Variants in RPS6KA2 observed in about 807,000 individuals in gnomAD.
The protein encoded by RPS6KA2 is ribosomal protein S6 kinase alpha-2.
Under a neutral mutation model 91.8 loss-of-function variants are expected in RPS6KA2, and 42 were observed. The observed-to-expected ratio is 0.46, with a 90% confidence interval of 0.36 to 0.59. The LOEUF (loss-of-function observed/expected upper bound fraction) is 0.59. Among genes scored for constraint, RPS6KA2 ranks in the 20% least tolerant of loss-of-function variants. RPS6KA2 has a pLI of 0.00. For missense variants in RPS6KA2, 798 were observed against 978.5 expected, an observed-to-expected ratio of 0.82 and a Z score of 2.46; for synonymous variants, 414 against 393.6, an observed-to-expected ratio of 1.05 and a Z score of -0.61.
intron 1 of RPS6KA2, among the ~76,000 whole-genome samples, chr6:166,581,921 T>G (rs1408471014): frequency 1.2e-5 from 1 of 85,190 alleles, no homozygotes; most frequent in Admixed American, 1.4e-4. Context: ...ACTGGGCAGG[T>G]GGGCTGGGCA....
intron 2 of RPS6KA2, among the ~76,000 whole-genome samples, chr6:166,717,162 A>G (rs1790036753): frequency 6.6e-6 from 1 of 152,202 alleles, no homozygotes; most frequent in Non-Finnish European, 1.5e-5. Context: ...ACTAGCAGGT[A>G]AGGAAGAGGA....
intron 5 of RPS6KA2, among the ~76,000 whole-genome samples, chr6:166,507,274 G>A (rs1053664143): frequency 6.6e-6 from 1 of 152,066 alleles, no homozygotes; most frequent in Admixed American, 6.5e-5. Flanking sequence ...TGGTCCCAGA[G>A]CTGCAGGGGC....
At chr6:166,631,466 G>T (rs924426506), upstream of RPS6KA2, among the ~76,000 whole-genome samples, 1 of 152,224 alleles carries the variant, frequency 6.6e-6, no homozygotes. Flanking sequence ...CAGAAGGTGG[G>T]CTTCACCTGC....
chr6:166,498,642 G>A lies in RPS6KA2; in HGVS notation c.613C>T (p.Leu205=). The A allele has an allele frequency of 6.2e-7, 1 of 1,613,102 alleles. No homozygotes were observed. ...TCGTGGTCAATGGCCTCCTTACTCA[G>A]GCCGAAATCTACATGCAAACACAGC... ...EGHIKITDFG[L]SKEAIDHDKR... The change falls in exon 8 of 21, where the codon CTG becomes TTG. Residue 205 remains leucine, a synonymous_variant. Coordinates refer to ENST00000265678, the MANE Select transcript of RPS6KA2 (RefSeq NM_021135.6).
intron 12 of RPS6KA2, among the ~76,000 whole-genome samples, chr6:166,451,779 A>G (rs1401927817): frequency 6.6e-6 from 1 of 152,266 alleles, no homozygotes; most frequent in Non-Finnish European, 1.5e-5. Flanking sequence ...ACAGCAAGGC[A>G]TAGTACGAAA....
At chr6:166,442,216 C>T (rs1779540806) in intron 14 of RPS6KA2, among the ~76,000 whole-genome samples, 1 of 152,218 alleles carries the variant, frequency 6.6e-6, no homozygotes, top group South Asian at 2.1e-4. Context: ...CCTTACTGCC[C>T]AGCCCCATCT....
At chr6:166,652,519 T>C (rs1055503085) in intron 2 of RPS6KA2, among the ~76,000 whole-genome samples, 2 of 152,216 alleles carry the variant, frequency 1.3e-5, no homozygotes, top group Non-Finnish European at 2.9e-5. Context: ...AACCATGAAC[T>C]GGACACGTTT....
At chr6:166,630,594 G>GT (rs1330933412), upstream of RPS6KA2, among the ~76,000 whole-genome samples, 1 of 152,228 alleles carries the variant, frequency 6.6e-6, no homozygotes, top group Non-Finnish European at 1.5e-5. Flanking sequence ...CTTTTCCGGA[G>GT]TATCAGCATT....
Position 166,419,841 on chromosome 6 carries a change from C to T in RPS6KA2, c.1820+41G>A. On this transcript the variant is annotated intron_variant, in intron 18 of 20. Coordinates refer to ENST00000265678, the MANE Select transcript of RPS6KA2 (RefSeq NM_021135.6). The surrounding 1 kb of genome is among the most constrained non-coding windows in gnomAD (Gnocchi z 5.6). ...ACAGATCAGCCACTGAGGCTGCTGC[C>T]CTGTGTCTCCTCCTGACACCTGTTT... 1 of 1,569,628 alleles carries T rather than the reference C, an allele frequency of 6.4e-7. No homozygotes were observed. The highest frequency in any genetic ancestry group is 8.8e-7 in the Non-Finnish European group (1 of 1,140,052).
rs1780030082 is a variant in RPS6KA2 at position 166,825,522 on chromosome 6, C to A, written c.123+32678G>T. ...CTTCAGGGTGCTACTTAGCTACTTA[C>A]CCTAGACTGGGTAGCTTAGCTACTT... is the stretch of plus-strand genomic sequence containing the variant. On this transcript the variant is annotated intron_variant, in intron 2 of 21. Transcript: ENST00000503859. This position sits in a 1 kb window ranked among gnomAD's most constrained non-coding sequence, Gnocchi z 4.1. Among the ~76,000 whole-genome samples, 1 of 145,946 alleles carries A rather than the reference C, an allele frequency of 6.9e-6. No homozygotes were observed. The highest frequency in any genetic ancestry group is 1.5e-5 in the Non-Finnish European group (1 of 67,948).
At chr6:166,699,285 A>C (rs188256606) in intron 2 of RPS6KA2, among the ~76,000 whole-genome samples, 171 of 152,318 alleles carry the variant, frequency 1.1e-3, no homozygotes, top group African/African-American at 3.6e-3. Context: ...GAGGATCACA[A>C]AGGAAGTGGG....
Position 166,669,539 on chromosome 6 carries a change from C to T in RPS6KA2, c.124-130755G>A, listed in dbSNP as rs183244986. Among the ~76,000 whole-genome samples the T allele has an allele frequency of 8.5e-5, 13 of 152,220 alleles. No individual in the cohort carries two copies. The East Asian group carries it at 2.5e-3, about 29-fold the overall frequency. On this transcript the variant is annotated intron_variant, in intron 2 of 21. Transcript: ENST00000503859. ...TTTCATGATGGCTCCAAAGAGTCTC[C>T]CTTGAGTGCTGGAATTGCACGGGGC...
chr6:166,677,427 T>C (rs1426011232), intron 2 of RPS6KA2, among the ~76,000 whole-genome samples: 1 of 151,780 alleles, frequency 6.6e-6, no homozygotes, highest in African/African-American at 2.4e-5. Context: ...AGTGGCATGA[T>C]GTCGGCTCAC....
intron 2 of RPS6KA2, among the ~76,000 whole-genome samples, chr6:166,692,431 C>A (rs1039092491): frequency 4.6e-5 from 7 of 152,254 alleles, no homozygotes; most frequent in Admixed American, 4.6e-4. Context: ...GAAACCCAGC[C>A]ATGGCAAACT....
rs532772257 is a variant in RPS6KA2, at chr6:166,821,336, C to A, written c.123+36864G>T. ...CCTTCAATTCCCTCTGGGGAGGGGC[C>A]TGGTTGTCCTCTTTGGGTGGCTTAG... On this transcript the variant is annotated intron_variant, in intron 2 of 21. Coordinates refer to the RPS6KA2 transcript ENST00000503859. This position sits in a 1 kb window ranked among gnomAD's most constrained non-coding sequence, Gnocchi z 4.1. Among the ~76,000 whole-genome samples, 201 of 152,196 alleles carry A rather than the reference C, an allele frequency of 1.3e-3. No homozygotes were observed. Among genetic ancestry groups the A allele is most frequent in the African/African-American group, 4.6e-3 (192 of 41,520 alleles).
chr6:166,546,233 G>A (rs969385987), intron 1 of RPS6KA2, among the ~76,000 whole-genome samples: 1 of 152,152 alleles, frequency 6.6e-6, no homozygotes, highest in Non-Finnish European at 1.5e-5. Context: ...CCTCACACTC[G>A]GGGCAGGTGG....
intron 11 of RPS6KA2, among the ~76,000 whole-genome samples, chr6:166,466,035 C>T (rs1014752215): frequency 1.1e-4 from 17 of 152,228 alleles, no homozygotes; most frequent in South Asian, 6.2e-4. Flanking sequence ...GAAGGAAACA[C>T]GCCTGGTTCT....
Position 166,412,571 on chromosome 6 carries a change from A to G in RPS6KA2, c.*191T>C. ...AGAGAGCGGGCGGGGAGGCTGGCGC[A>G]GTGAGGCTTGGAGAAGCCCCCAGGT... is the stretch of plus-strand genomic sequence containing the variant. On this transcript the variant is annotated 3_prime_UTR_variant, in exon 21 of 21. Transcript: ENST00000265678. This position sits in a 1 kb window ranked among gnomAD's most constrained non-coding sequence, Gnocchi z 4.3. 3.8e-6 allele frequency: 2 copies of G among 521,056 alleles called. No homozygotes were observed. The highest frequency in any genetic ancestry group is 3.4e-5 in the East Asian group (1 of 29,736). The allele number at this position is 521,056 out of a possible 1,614,324, so 32.3% of individuals were successfully genotyped here.
chr6:166,728,462 C>G (rs4487559), intron 2 of RPS6KA2, among the ~76,000 whole-genome samples: 17 of 152,060 alleles, frequency 1.1e-4, no homozygotes, highest in African/African-American at 4.1e-4. Flanking sequence ...CATGACAAGC[C>G]TATTCTTCTC....
Sources: gnomAD v4.1 joint callset for allele counts (sites outside exome capture counted in the v4.1 genomes callset) on GRCh38, gnomAD v4.1.1 for gene constraint, Gnocchi (gnomAD v3.1) non-coding constraint, MANE v1.5 for transcripts, NCBI Gene and HGNC (gene_info 2026-07-23, HGNC 2026-07-21) for gene names.